The following MACROD1 variants were observed in gnomAD, a reference collection of about 807,000 sequenced individuals.
MACROD1 encodes the protein mono-ADP ribosylhydrolase 1.
Under a neutral mutation model 41.4 loss-of-function variants are expected in MACROD1, and 31 were observed. That is an observed-to-expected ratio of 0.75 (90% CI 0.56 to 1.01). MACROD1 has a LOEUF of 1.01. Among genes scored for constraint, MACROD1 ranks in the 50% least tolerant of loss-of-function variants. The probability of loss-of-function intolerance (pLI) is 0.00; values close to 1 mark genes in which losing one functional copy is unlikely to be tolerated. For synonymous variants in MACROD1, 252 were observed against 203.4 expected, an observed-to-expected ratio of 1.24 and a Z score of -2.03; for missense variants, 473 against 460.0, an observed-to-expected ratio of 1.03 and a Z score of -0.26.
chr11:64,127,126 G>A (rs991082520), intron 3 of MACROD1, among the ~76,000 whole-genome samples: 3 of 152,164 alleles, frequency 2.0e-5, no homozygotes, highest in Non-Finnish European at 4.4e-5. Context: ...AGTGCACTGC[G>A]AACCGCCCTT....
In MACROD1 at chr11:64,026,016, A is replaced by T. The variant is rs551092019; in HGVS notation, c.518-10735T>A. On this transcript the variant is annotated intron_variant, in intron 3 of 10. Coordinates refer to ENST00000255681, the MANE Select transcript of MACROD1 (RefSeq NM_014067.4). ...GCCAACATGGTGAAACCCCGTCTCTACTAAAAATATAAAAATCAGCTGGGC... is the reference window on the plus strand; with the variant it reads ...GCCAACATGGTGAAACCCCGTCTCTTCTAAAAATATAAAAATCAGCTGGGC... Among the ~76,000 whole-genome samples the T allele has an allele frequency of 1.8e-4, 28 of 152,238 alleles. 1 individual carries two copies. In the South Asian group the frequency reaches 5.8e-3, roughly 32 times the overall value.
chr11:64,024,701 G>A (rs1943202352), intron 3 of MACROD1, among the ~76,000 whole-genome samples: 1 of 152,258 alleles, frequency 6.6e-6, no homozygotes, highest in South Asian at 2.1e-4. Context: ...GGGAGCCTTG[G>A]CGGGTGGGAG....
At chr11:64,164,895 C>T (rs1306482034) in intron 1 of MACROD1, among the ~76,000 whole-genome samples, 3 of 150,170 alleles carry the variant, frequency 2.0e-5, no homozygotes, top group East Asian at 3.9e-4. Flanking sequence ...GGCTCAGTAG[C>T]GGCAGCTTGG....
intron 3 of MACROD1, among the ~76,000 whole-genome samples, chr11:64,098,365 C>G (rs577071726): frequency 6.6e-6 from 1 of 152,354 alleles, no homozygotes; most frequent in African/African-American, 2.4e-5. Context: ...CACCTCCAGT[C>G]TTCACATAGG....
intron 1 of MACROD1, among the ~76,000 whole-genome samples, chr11:64,163,904 C>A (rs1945795331): frequency 6.6e-6 from 1 of 152,204 alleles, no homozygotes. Flanking sequence ...CCCAGACCAG[C>A]CCCACTCCTT....
At chr11:64,123,849 A>T (rs377477739) in intron 3 of MACROD1, among the ~76,000 whole-genome samples, 13 of 152,324 alleles carry the variant, frequency 8.5e-5, no homozygotes, top group African/African-American at 3.1e-4. Context: ...ACTCTAGCCC[A>T]GCAAAGGAAA....
At chr11:64,092,064 C>G (rs537930463) in intron 3 of MACROD1, among the ~76,000 whole-genome samples, 1 of 152,198 alleles carries the variant, frequency 6.6e-6, no homozygotes, top group Non-Finnish European at 1.5e-5. Flanking sequence ...CCCACCCAAG[C>G]CAGGACCATA....
chr11:64,026,822 C>T (rs1316850977), intron 3 of MACROD1, among the ~76,000 whole-genome samples: 1 of 152,174 alleles, frequency 6.6e-6, no homozygotes, highest in Non-Finnish European at 1.5e-5. Context: ...TCCAGCTCTT[C>T]CCAAGCTGAG....
chr11:64,091,636 C>T (rs980942774), intron 3 of MACROD1, among the ~76,000 whole-genome samples: 8 of 152,252 alleles, frequency 5.3e-5, no homozygotes, highest in Middle Eastern at 3.4e-3. Flanking sequence ...TCCCCCCATC[C>T]GACAGATAAG....
chr11:64,155,361 G>GT (rs1156545228), intron 1 of MACROD1, among the ~76,000 whole-genome samples: 1 of 152,264 alleles, frequency 6.6e-6, no homozygotes, highest in East Asian at 1.9e-4. Context: ...ACAGATGCTG[G>GT]TGGCAGCCGG....
chr11:64,004,611 T>C (rs1942879999), intron 4 of MACROD1, among the ~76,000 whole-genome samples: 1 of 151,876 alleles, frequency 6.6e-6, no homozygotes, highest in Non-Finnish European at 1.5e-5. Context: ...CTCTCTCTGC[T>C]CCCCCATTCC....
At chr11:64,138,387 C>T (rs535919531) in intron 3 of MACROD1, 89 of 516,470 alleles carry the variant, frequency 1.7e-4, no homozygotes, top group Non-Finnish European at 2.2e-4. Context: ...GGATTTAGCT[C>T]CTTTGACAAT....
chr11:64,161,236 A>T (rs1945750635), intron 1 of MACROD1, among the ~76,000 whole-genome samples: 1 of 152,204 alleles, frequency 6.6e-6, no homozygotes, highest in Admixed American at 6.5e-5. Context: ...CATATGCTGG[A>T]ACACTATACA....
In MACROD1 at chr11:64,067,906, T is replaced by C. The variant is rs1315136299; in HGVS notation, c.518-52625A>G. Among the ~76,000 whole-genome samples, 2 of 151,900 alleles carry C rather than the reference T, an allele frequency of 1.3e-5. No homozygotes were observed. The highest frequency in any genetic ancestry group is 3.9e-4 in the East Asian group (2 of 5,166). Reference sequence around the variant, plus strand: ...CATTTAGCCAGCGGTTCGCTCGGCTTTTAGGAGGGGGCTGGCGGTGAACCC... The same window carrying C: ...CATTTAGCCAGCGGTTCGCTCGGCTCTTAGGAGGGGGCTGGCGGTGAACCC... On this transcript the variant is annotated intron_variant, in intron 3 of 10. Transcript: ENST00000255681. This position sits in a 1 kb window ranked among gnomAD's most constrained non-coding sequence, Gnocchi z 4.6.
chr11:64,046,125 CAGGGGTAGGA>C (rs1943579480), intron 3 of MACROD1, among the ~76,000 whole-genome samples: 6 of 152,246 alleles, frequency 3.9e-5, no homozygotes, highest in African/African-American at 1.2e-4. Flanking sequence ...TTCTGAGCGG[CAGGGGTAGGA>C]TGGGAACCCG....
At position 64,166,009 on chromosome 11, in the gene MACROD1, G is replaced by C. The variant is rs1259424115; in HGVS notation, c.-15C>G. On this transcript the variant is annotated 5_prime_UTR_variant, in exon 1 of 11. Transcript: ENST00000255681. ...TGTAGAGACATGAGCGGGCGGCGCG[G>C]GACGGCTCTCCGCCCACTTGGACTC... The C allele has an allele frequency of 8.0e-7, 1 of 1,257,008 alleles. No homozygotes were observed. The highest frequency in any genetic ancestry group is 1.0e-6 in the Non-Finnish European group (1 of 1,004,034). The allele number at this position is 1,257,008 out of a possible 1,614,324, so 77.9% of individuals were successfully genotyped here.
chr11:64,000,907 T>G (rs1460909521), intron 4 of MACROD1, among the ~76,000 whole-genome samples: 2 of 152,100 alleles, frequency 1.3e-5, no homozygotes, highest in Non-Finnish European at 1.5e-5. Flanking sequence ...TACAGGGTGA[T>G]CAGATCTGTA....
chr11:64,085,254 G>C (rs1216565065), intron 3 of MACROD1, among the ~76,000 whole-genome samples: 1 of 152,168 alleles, frequency 6.6e-6, no homozygotes, highest in Non-Finnish European at 1.5e-5. Flanking sequence ...CGCTGTCCCT[G>C]GGCACCACGG....
chr11:64,095,765 G>A (rs911173693), intron 3 of MACROD1, among the ~76,000 whole-genome samples: 7 of 152,218 alleles, frequency 4.6e-5, no homozygotes, highest in Admixed American at 6.5e-5. Context: ...GCACTAGCAC[G>A]GAGCCCTTGA....
Sources: gnomAD v4.1 joint callset for allele counts (sites outside exome capture counted in the v4.1 genomes callset) on GRCh38, gnomAD v4.1.1 for gene constraint, Gnocchi (gnomAD v3.1) non-coding constraint, MANE v1.5 for transcripts, NCBI Gene and HGNC (gene_info 2026-07-23, HGNC 2026-07-21) for gene names.